The following PKD1L1 variants were observed in gnomAD, a reference collection of about 807,000 sequenced individuals.
PKD1L1 encodes polycystin 1 like 1, transient receptor potential channel interacting.
Under a neutral mutation model 323.4 loss-of-function variants are expected in PKD1L1, and 236 were observed. That is an observed-to-expected ratio of 0.73 (90% confidence interval 0.66 to 0.81). The LOEUF is 0.81. PKD1L1 is among the 40% of genes least tolerant of loss of function. The pLI is 0.00. For missense variants in PKD1L1, 3,320 were observed against 3,508.0 expected, an observed-to-expected ratio of 0.95 and a Z score of 1.35; for synonymous variants, 1,344 against 1,335.0, an observed-to-expected ratio of 1.01 and a Z score of -0.15.
At chr7:47,827,028 C>A (rs1020771703) in intron 45 of PKD1L1, among the ~76,000 whole-genome samples, 1 of 152,168 alleles carries the variant, frequency 6.6e-6, no homozygotes, top group African/African-American at 2.4e-5. Flanking sequence ...GGATGAAATC[C>A]AATTGTGTGT....
chr7:47,799,696 C>T (rs187984251), intron 54 of PKD1L1, among the ~76,000 whole-genome samples: 8 of 152,134 alleles, frequency 5.3e-5, no homozygotes, highest in African/African-American at 7.2e-5. Flanking sequence ...TAACGCTGAA[C>T]GAGTCACAGT....
intron 26 of PKD1L1, among the ~76,000 whole-genome samples, chr7:47,861,881 A>AAT (rs386410081): frequency 0.11 from 672 of 6,164 alleles, 10 homozygotes; most frequent in African/African-American, 0.2. Context: ...ACTCTGTCTC[A>AAT]AAAAAAAAAA....
chr7:47,811,865 G>T lies in PKD1L1; in HGVS notation c.7533C>A (p.Ser2511Arg), dbSNP rs757030215. ...LVPSSLVESF[S>R]IFRSDSALQY... ...GCAGGGCTGAGTCGCTGCGGAAGAT[G>T]CTGAATGACTCCACCAGGGATGAGG... The change falls in exon 50 of 57, where the codon AGC becomes AGA. Residue 2511 changes from serine (S) to arginine (R), a missense_variant. Ser to Arg is a moderately radical substitution (Grantham distance 110). Coordinates refer to ENST00000289672, the MANE Select transcript of PKD1L1 (RefSeq NM_138295.5). 1.2e-5 allele frequency: 20 copies of T among 1,610,938 alleles called. No individual in the cohort carries two copies. The South Asian group carries it at 2.1e-4, about 17-fold the overall frequency.
At chr7:47,816,311 G>A (rs1207286388) in intron 46 of PKD1L1, among the ~76,000 whole-genome samples, 1 of 152,200 alleles carries the variant, frequency 6.6e-6, no homozygotes, top group Non-Finnish European at 1.5e-5. Flanking sequence ...CCAAGGAACT[G>A]ATTTAAGGGA....
the PKD1L1 span, among the ~76,000 whole-genome samples, chr7:47,960,391 A>AAC: frequency 8.0e-6 from 1 of 125,118 alleles, no homozygotes; most frequent in African/African-American, 2.7e-5. Context: ...AAAAAAAAAA[A>AAC]AAACTGTAAA....
At chr7:47,817,824 C>T (rs193114412) in intron 46 of PKD1L1, among the ~76,000 whole-genome samples, 315 of 152,126 alleles carry the variant, frequency 2.1e-3, no homozygotes, top group African/African-American at 6.7e-3. Flanking sequence ...GAGCCGAGAT[C>T]GCGTCACTGC....
At chr7:47,885,603 C>A in intron 18 of PKD1L1, 83 bp downstream of exon 18, 1 of 1,517,072 alleles carries the variant, frequency 6.6e-7, no homozygotes, top group Non-Finnish European at 8.8e-7. Flanking sequence ...TGATCTCACA[C>A]CTTACCCACC....
chr7:47,892,485 G>A (rs1251220026), intron 15 of PKD1L1, among the ~76,000 whole-genome samples: 2 of 152,106 alleles, frequency 1.3e-5, no homozygotes, highest in Non-Finnish European at 2.9e-5. Flanking sequence ...GAGTAAAAAG[G>A]GGGTGCTGGA....
intron 24 of PKD1L1, 146 bp downstream of exon 24, chr7:47,873,753 T>C: frequency 1.8e-6 from 1 of 568,772 alleles, no homozygotes; most frequent in Non-Finnish European, 3.1e-6. Context: ...ATTGCAGTGA[T>C]AGCACCCGGA....
rs1785516475 is a variant in PKD1L1, at chr7:47,839,164, A to G, written c.5769+282T>C. Among the ~76,000 whole-genome samples the G allele has an allele frequency of 6.6e-6, 1 of 152,212 alleles. No homozygotes were observed. Among genetic ancestry groups the G allele is most frequent in the Non-Finnish European group, 1.5e-5 (1 of 68,036 alleles). On this transcript the variant is annotated intron_variant, in intron 36 of 56. Coordinates refer to ENST00000289672, the MANE Select transcript of PKD1L1 (RefSeq NM_138295.5). The surrounding 1 kb of genome is among the most constrained non-coding windows in gnomAD (Gnocchi z 4.3). Reference sequence around the variant, plus strand: ...AGTCTTTAATTACAGGGCTCTGGACATCACAGACCACCAGCAACCATAAAT... The same window carrying G: ...AGTCTTTAATTACAGGGCTCTGGACGTCACAGACCACCAGCAACCATAAAT...
At chr7:47,817,187 T>C (rs1230546794) in intron 46 of PKD1L1, among the ~76,000 whole-genome samples, 1 of 152,080 alleles carries the variant, frequency 6.6e-6, no homozygotes, top group Non-Finnish European at 1.5e-5. Context: ...GTAAAGATCA[T>C]GCCACTGCAC....
At chr7:47,890,867 G>C (rs2128748750) in intron 15 of PKD1L1, 104 bp from the exon 16 acceptor site, 1 of 953,352 alleles carries the variant, frequency 1.0e-6, no homozygotes, top group Admixed American at 2.1e-5. Flanking sequence ...GACCACAGGG[G>C]ACACGTGCTG....
intron 6 of PKD1L1, among the ~76,000 whole-genome samples, chr7:47,930,860 C>G (rs995697521): frequency 3.3e-5 from 5 of 152,202 alleles, no homozygotes; most frequent in East Asian, 1.9e-4. Flanking sequence ...CACAGTCAGA[C>G]AAAGCTTTAG....
Position 47,834,386 on chromosome 7 carries a change from CT to C in PKD1L1, c.6128-2del, listed in dbSNP as rs777057140. ...GGTATCCTTCCCCAGGAATTAGGAC[CT>C]GATTCAAAAAAATAAAAATCCAATG... is the stretch of plus-strand genomic sequence containing the variant. On this transcript the variant is annotated splice_acceptor_variant, in intron 39 of 56. Transcript: ENST00000289672. LOFTEE classifies it high-confidence loss of function. The C allele has an allele frequency of 6.6e-5, 106 of 1,613,562 alleles. No homozygotes were observed. The highest frequency in any genetic ancestry group is 8.6e-5 in the Non-Finnish European group (101 of 1,179,546).
chr7:47,791,839 C>T (rs1786955977), intron 56 of PKD1L1, among the ~76,000 whole-genome samples: 1 of 152,148 alleles, frequency 6.6e-6, no homozygotes, highest in African/African-American at 2.4e-5. Flanking sequence ...CAGAGTATCT[C>T]TCTGGATCTC....
the PKD1L1 span, among the ~76,000 whole-genome samples, chr7:47,960,230 TGCGGAAG>T: frequency 1.3e-5 from 2 of 150,176 alleles, no homozygotes; most frequent in Admixed American, 6.6e-5. Flanking sequence ...ACACAAACAC[TGCGGAAG>T]GCCGCAGGGT....
In PKD1L1 at chr7:47,931,238, C is replaced by T. The variant is rs141425680; in HGVS notation, c.603G>A (p.Ala201=). The T allele has an allele frequency of 1.2e-4, 193 of 1,614,236 alleles. No individual in the cohort carries two copies. The highest frequency in any genetic ancestry group is 1.6e-4 in the Middle Eastern group (1 of 6,062). The stretch of plus-strand genomic sequence containing the variant: ...GAAGCAGCCCCGTGGCCACATCCTC[C>T]GCACAGCACAGCAGTCTCAGGACAC... The part of the protein sequence containing the change: ...SCCVLRLLCC[A]EDVATGLLPG... The change falls in exon 6 of 57, where the codon GCG becomes GCA. Residue 201 remains alanine, a synonymous_variant. Transcript: ENST00000289672.
intron 24 of PKD1L1, 88 bp downstream of exon 24, chr7:47,873,811 T>C (rs1377367978): frequency 1.5e-5 from 14 of 949,530 alleles, no homozygotes; most frequent in Middle Eastern, 2.3e-4. Flanking sequence ...GACATGTTTT[T>C]GACGCTTGTT....
At chr7:47,956,375 G>A in the PKD1L1 span, among the ~76,000 whole-genome samples, 1 of 152,172 alleles carries the variant, frequency 6.6e-6, no homozygotes, top group Non-Finnish European at 1.5e-5. Context: ...GTGCCAGCAG[G>A]GTTAGCCTGC....
Sources: allele counts gnomAD v4.1 joint callset (sites outside exome capture counted in the v4.1 genomes callset), GRCh38; gene constraint gnomAD v4.1.1; non-coding constraint Gnocchi (gnomAD v3.1); transcripts MANE v1.5; gene names NCBI Gene and HGNC (gene_info 2026-07-23, HGNC 2026-07-21).